Variants in EFNA5 observed in about 807,000 individuals in gnomAD.
EFNA5 encodes ephrin A5.
In EFNA5, 5 loss-of-function variants were observed where a neutral mutation model predicts 22.9. The observed-to-expected ratio is 0.22, with a 90% CI of 0.11 to 0.46. The LOEUF (loss-of-function observed/expected upper bound fraction) is 0.46. Among genes scored for constraint, EFNA5 ranks in the 20% least tolerant of loss-of-function variants. EFNA5 has a pLI of 0.99. For synonymous variants in EFNA5, 113 were observed against 112.2 expected (o/e 1.01, Z -0.04); for missense variants, 237 against 293.3 (o/e 0.81, Z 1.40).
intron 2 of EFNA5, among the ~76,000 whole-genome samples, chr5:107,406,876 T>C (rs1046025478): frequency 2.0e-5 from 3 of 152,166 alleles, no homozygotes; most frequent in African/African-American, 7.2e-5. Flanking sequence ...AACACTTGTT[T>C]TCTCACTGAT....
intron 1 of EFNA5, among the ~76,000 whole-genome samples, chr5:107,535,934 G>A (rs962654459): frequency 6.6e-6 from 1 of 152,142 alleles, no homozygotes; most frequent in Non-Finnish European, 1.5e-5. Context: ...TATCTGGAAA[G>A]CTCATTCTTC....
intron 2 of EFNA5, among the ~76,000 whole-genome samples, chr5:107,425,205 G>A (rs1422758345): frequency 6.6e-6 from 1 of 152,158 alleles, no homozygotes; most frequent in Admixed American, 6.5e-5. Context: ...AGCGCTATGG[G>A]TATATTTGAA....
chr5:107,415,533 T>C (rs1207293528), intron 2 of EFNA5, among the ~76,000 whole-genome samples: 1 of 152,094 alleles, frequency 6.6e-6, no homozygotes, highest in Non-Finnish European at 1.5e-5. Context: ...ACGTGAGCGG[T>C]GTGAAGCTTG....
At chr5:107,548,700 T>C (rs1748223299) in intron 1 of EFNA5, among the ~76,000 whole-genome samples, 1 of 152,186 alleles carries the variant, frequency 6.6e-6, no homozygotes, top group Non-Finnish European at 1.5e-5. Flanking sequence ...GTTGTATCAG[T>C]CCTTTGTTTT....
chr5:107,453,143 A>G (rs1749603846), intron 1 of EFNA5, among the ~76,000 whole-genome samples: 1 of 152,210 alleles, frequency 6.6e-6, no homozygotes, highest in South Asian at 2.1e-4. Flanking sequence ...ATATTTTATT[A>G]CAAAACCCTA....
chr5:107,504,729 C>G (rs577371639), intron 1 of EFNA5, among the ~76,000 whole-genome samples: 3 of 152,186 alleles, frequency 2.0e-5, no homozygotes, highest in African/African-American at 7.2e-5. Context: ...AAAGTGTTGT[C>G]GAAGCCTATT....
chr5:107,386,742 C>T (rs1360346028), intron 4 of EFNA5, among the ~76,000 whole-genome samples: 1 of 152,040 alleles, frequency 6.6e-6, no homozygotes, highest in Non-Finnish European at 1.5e-5. Flanking sequence ...TTCCTTAGGT[C>T]AGTTCAATGA....
chr5:107,648,824 A>T (rs768891570), intron 1 of EFNA5, among the ~76,000 whole-genome samples: 2 of 152,190 alleles, frequency 1.3e-5, no homozygotes, highest in Admixed American at 6.5e-5. Flanking sequence ...AAATCTTTAG[A>T]GTCATGTTTG....
intron 1 of EFNA5, among the ~76,000 whole-genome samples, chr5:107,546,104 G>C (rs189188505): frequency 2.6e-5 from 4 of 152,208 alleles, no homozygotes; most frequent in Admixed American, 2.6e-4. Context: ...TCCCTTAAGC[G>C]ATATCAAAAG....
chr5:107,624,294 T>G (rs1750100671), intron 1 of EFNA5, among the ~76,000 whole-genome samples: 1 of 152,248 alleles, frequency 6.6e-6, no homozygotes, highest in Middle Eastern at 3.4e-3. Flanking sequence ...ACATTTTCTT[T>G]AAAACAGCCC....
chr5:107,517,965 C>T (rs893209975), intron 1 of EFNA5, among the ~76,000 whole-genome samples: 1 of 152,066 alleles, frequency 6.6e-6, no homozygotes, highest in Admixed American at 6.6e-5. Flanking sequence ...ATGAAGTGTA[C>T]TCAGCAGGGA....
At chr5:107,573,186 C>T (rs1022164361) in intron 1 of EFNA5, among the ~76,000 whole-genome samples, 1 of 152,136 alleles carries the variant, frequency 6.6e-6, no homozygotes. Flanking sequence ...ACCTCAATCT[C>T]ATGTCTGTTC....
At chr5:107,496,602 A>T (rs1746992477) in intron 1 of EFNA5, among the ~76,000 whole-genome samples, 1 of 152,230 alleles carries the variant, frequency 6.6e-6, no homozygotes, top group Non-Finnish European at 1.5e-5. Context: ...TTTGTAGCAG[A>T]ATATACAAAG....
intron 1 of EFNA5, among the ~76,000 whole-genome samples, chr5:107,598,748 A>C (rs1315478453): frequency 6.6e-6 from 1 of 151,992 alleles, no homozygotes; most frequent in Non-Finnish European, 1.5e-5. Context: ...TAAATTCTCT[A>C]CTCTTAAATC....
intron 1 of EFNA5, among the ~76,000 whole-genome samples, chr5:107,576,110 A>G (rs1748921749): frequency 1.3e-5 from 2 of 152,184 alleles, no homozygotes; most frequent in African/African-American, 4.8e-5. Context: ...TAGTTCTCCA[A>G]ATGCATCGGC....
intron 1 of EFNA5, among the ~76,000 whole-genome samples, chr5:107,651,952 G>T (rs1338574793): frequency 2.0e-5 from 3 of 152,102 alleles, no homozygotes; most frequent in Non-Finnish European, 4.4e-5. Context: ...CTGTTACAAA[G>T]AACAATGCAA....
At chr5:107,620,299 A>G (rs1171829468) in intron 1 of EFNA5, among the ~76,000 whole-genome samples, 1 of 152,244 alleles carries the variant, frequency 6.6e-6, no homozygotes, top group East Asian at 1.9e-4. Flanking sequence ...CCACCAATTC[A>G]GCAGCAATCT....
intron 1 of EFNA5, among the ~76,000 whole-genome samples, chr5:107,456,438 C>T (rs543239715): frequency 6.6e-6 from 1 of 152,286 alleles, no homozygotes; most frequent in African/African-American, 2.4e-5. Flanking sequence ...CTTGTTCAAA[C>T]ATGCAAAGCA....
intron 2 of EFNA5, among the ~76,000 whole-genome samples, chr5:107,402,928 T>A (rs192097724): frequency 6.6e-6 from 1 of 152,160 alleles, no homozygotes; most frequent in Non-Finnish European, 1.5e-5. Context: ...CAAATCAGAG[T>A]CTGGGGATAC....
Sources: allele counts gnomAD v4.1 joint callset (sites outside exome capture counted in the v4.1 genomes callset), GRCh38; gene constraint gnomAD v4.1.1; transcripts MANE v1.5; gene names NCBI Gene and HGNC (gene_info 2026-07-23, HGNC 2026-07-21).